KAT6B: variants seen among roughly 807,000 people sequenced by gnomAD.
The protein encoded by KAT6B is histone acetyltransferase KAT6B.
In KAT6B, 10 loss-of-function variants were observed where a neutral mutation model predicts 187.5. That is an observed-to-expected ratio of 0.05 (90% CI 0.03 to 0.09). The LOEUF (loss-of-function observed/expected upper bound fraction) is 0.09, where lower values mean the gene tolerates loss of function less well. Ranked by LOEUF, KAT6B falls within the 10% of genes least tolerant of loss-of-function variation. KAT6B has a pLI of 1.00. For missense variants in KAT6B, 1,952 were observed against 2,558.9 expected (o/e 0.76, Z 5.12); for synonymous variants, 861 against 926.8 (o/e 0.93, Z 1.29).
chr10:75,022,075 A>AGAGGAGGAG lies in KAT6B; in HGVS notation c.3222_3230dup (p.Glu1074_Glu1076dup). The AGAGGAGGAG allele has an allele frequency of 6.2e-7, 1 of 1,613,594 alleles. No homozygotes were observed. The highest frequency in any genetic ancestry group is 8.5e-7 in the Non-Finnish European group (1 of 1,179,716). On this transcript the variant is annotated inframe_insertion, in exon 16 of 18. Transcript: ENST00000287239. ...TGTCTAAAGAGAGCAGTGAAGAAGA[A>AGAGGAGGAG]GAGGAGGAGGAGGACGAGGAGGAGG...
At position 74,846,842 on chromosome 10, in the gene KAT6B, A is replaced by T. The variant is rs544140965; in HGVS notation, c.621+3364A>T. Among the ~76,000 whole-genome samples, 11 of 152,366 alleles carry T rather than the reference A, an allele frequency of 7.2e-5. No homozygotes were observed. In the South Asian group the frequency reaches 2.3e-3, roughly 32 times the overall value. ...GATATCTTTGTTTTTAAAAATATGTACACTACCCTAAGGTATGTTAAGGTT... is the reference window on the plus strand; with the variant it reads ...GATATCTTTGTTTTTAAAAATATGTTCACTACCCTAAGGTATGTTAAGGTT... On this transcript the variant is annotated intron_variant, in intron 3 of 17. Coordinates refer to ENST00000287239, the MANE Select transcript of KAT6B (RefSeq NM_012330.4).
At chr10:74,830,843 A>T (rs1425770540) in intron 1 of KAT6B, among the ~76,000 whole-genome samples, 3 of 118,892 alleles carry the variant, frequency 2.5e-5, no homozygotes, top group African/African-American at 9.8e-5. Flanking sequence ...GCTGGAGTGC[A>T]GTGGCGTGAT....
At chr10:75,018,575 C>T (rs1010785415) in intron 13 of KAT6B, among the ~76,000 whole-genome samples, 3 of 152,136 alleles carry the variant, frequency 2.0e-5, no homozygotes, top group African/African-American at 4.8e-5. Flanking sequence ...TGCTGCCTTC[C>T]GGATTAGGGA....
intron 4 of KAT6B, among the ~76,000 whole-genome samples, chr10:74,963,619 G>A (rs1383132517): frequency 6.6e-6 from 1 of 152,110 alleles, no homozygotes; most frequent in African/African-American, 2.4e-5. Flanking sequence ...TGTTAACCCT[G>A]AACAAAATTT....
intron 1 of KAT6B, among the ~76,000 whole-genome samples, chr10:74,827,900 A>G (rs535036582): frequency 6.6e-6 from 1 of 152,168 alleles, no homozygotes; most frequent in South Asian, 2.1e-4. Context: ...GCCTCAAGTG[A>G]TCTGCCCACC....
chr10:74,884,498 G>A (rs1845090436), intron 3 of KAT6B, among the ~76,000 whole-genome samples: 1 of 152,186 alleles, frequency 6.6e-6, no homozygotes, highest in African/African-American at 2.4e-5. Flanking sequence ...TAAAGGAGCA[G>A]TGTGTTTTTA....
chr10:74,934,997 C>G (rs903919583), intron 3 of KAT6B, among the ~76,000 whole-genome samples: 1 of 152,244 alleles, frequency 6.6e-6, no homozygotes, highest in African/African-American at 2.4e-5. Context: ...GTGAAGAAAG[C>G]AGGTTCTGAG....
intron 7 of KAT6B, among the ~76,000 whole-genome samples, chr10:74,973,180 A>G (rs370915669): frequency 6.6e-6 from 1 of 152,202 alleles, no homozygotes; most frequent in Non-Finnish European, 1.5e-5. Context: ...CTATTTGACA[A>G]CTGCACTAGT....
chr10:74,967,410 A>C lies in KAT6B; in HGVS notation c.731-2250A>C, dbSNP rs139803965. Among the ~76,000 whole-genome samples the C allele has an allele frequency of 3.6e-3, 549 of 152,302 alleles. 3 individuals are homozygous for C. The highest frequency in any genetic ancestry group is 0.012 in the African/African-American group (516 of 41,566). ...TAAACCAGAGGTAAGGAATTACTTG[A>C]TCAGTAGCATTGCTTTCCTTTATCT... On this transcript the variant is annotated intron_variant, in intron 4 of 17. Coordinates refer to ENST00000287239, the MANE Select transcript of KAT6B (RefSeq NM_012330.4).
At chr10:74,998,739 T>G (rs759747782) in intron 13 of KAT6B, among the ~76,000 whole-genome samples, 53 of 152,130 alleles carry the variant, frequency 3.5e-4, no homozygotes, top group Non-Finnish European at 6.9e-4. Flanking sequence ...GGCAACATAG[T>G]AAGACCCCAT....
chr10:74,825,870 G>T (rs1028555633), upstream of KAT6B, among the ~76,000 whole-genome samples: 4 of 150,764 alleles, frequency 2.7e-5, no homozygotes, highest in Non-Finnish European at 4.4e-5. The surrounding 1 kb of genome is among the most constrained non-coding windows in gnomAD (Gnocchi z 5.0). Context: ...GGGTGTGTTG[G>T]GGGGGGAAGG....
Position 75,030,905 on chromosome 10 carries a change from G to C in KAT6B, c.6081G>C (p.Met2027Ile). The change falls in exon 18 of 18, where the codon ATG becomes ATC. Residue 2027 changes from methionine (M) to isoleucine (I), a missense_variant. This residue lies in a region of KAT6B where 358 missense variants were observed against 436.3 expected (regional missense o/e 0.82). Coordinates refer to ENST00000287239, the MANE Select transcript of KAT6B (RefSeq NM_012330.4). The surrounding 1 kb of genome is among the most constrained non-coding windows in gnomAD (Gnocchi z 4.8). ...PQYPMQMQMG[M>I]MGTQPYAQQP... Reference sequence around the variant, plus strand: ...ACCCTATGCAGATGCAGATGGGCATGATGGGCACCCAGCCATATGCCCAGC... The same window carrying C: ...ACCCTATGCAGATGCAGATGGGCATCATGGGCACCCAGCCATATGCCCAGC... 6.2e-7 allele frequency: 1 copy of C among 1,613,922 alleles called. No homozygotes were observed. The highest frequency in any genetic ancestry group is 8.5e-7 in the Non-Finnish European group (1 of 1,180,020).
intron 1 of KAT6B, among the ~76,000 whole-genome samples, chr10:74,831,923 C>T (rs1044622812): frequency 2.0e-5 from 3 of 152,260 alleles, no homozygotes; most frequent in African/African-American, 7.2e-5. Context: ...TACTTCCCAT[C>T]ACAGCACACC....
At chr10:74,846,983 A>G (rs531898253) in intron 3 of KAT6B, among the ~76,000 whole-genome samples, 1 of 152,298 alleles carries the variant, frequency 6.6e-6, no homozygotes, top group Non-Finnish European at 1.5e-5. Flanking sequence ...AGTCAGTACA[A>G]ATTTTCCACA....
intron 3 of KAT6B, among the ~76,000 whole-genome samples, chr10:74,855,488 T>A (rs533159550): frequency 6.6e-6 from 1 of 152,344 alleles, no homozygotes; most frequent in East Asian, 1.9e-4. Context: ...CATTTGATAT[T>A]TGACCAACTT....
chr10:74,942,167 C>T lies in KAT6B; in HGVS notation c.622-17803C>T, dbSNP rs141284210. 8.6e-4 allele frequency among the ~76,000 whole-genome samples: 131 copies of T among 151,802 alleles called. No individual in the cohort carries two copies. In the East Asian group the frequency reaches 0.017, roughly 20 times the overall value. ...TTTGTCTCAAGAAATAAAATAAAAA[C>T]GAAACAAAGACTTTGCAAGAAAAGG... On this transcript the variant is annotated intron_variant, in intron 3 of 17. Transcript: ENST00000287239.
At chr10:74,987,876 A>G (rs1037425508) in intron 12 of KAT6B, among the ~76,000 whole-genome samples, 1 of 152,232 alleles carries the variant, frequency 6.6e-6, no homozygotes, top group South Asian at 2.1e-4. Context: ...ACTTTGCAAA[A>G]CAGACGAATT....
intron 3 of KAT6B, among the ~76,000 whole-genome samples, chr10:74,890,340 T>C (rs1845560546): frequency 6.6e-6 from 1 of 152,134 alleles, no homozygotes; most frequent in South Asian, 2.1e-4. Context: ...GCCCACCATT[T>C]ACAAATGCAC....
intron 3 of KAT6B, among the ~76,000 whole-genome samples, chr10:74,870,767 G>A (rs532962968): frequency 6.6e-6 from 1 of 152,096 alleles, no homozygotes; most frequent in Non-Finnish European, 1.5e-5. Flanking sequence ...TAGTAGAGAC[G>A]GGGTTTTCCA....
Sources: gnomAD v4.1 joint callset for allele counts (sites outside exome capture counted in the v4.1 genomes callset) on GRCh38, gnomAD v4.1.1 for gene constraint, gnomAD v4.1.1 regional missense constraint, Gnocchi (gnomAD v3.1) non-coding constraint, MANE v1.5 for transcripts, NCBI Gene and HGNC (gene_info 2026-07-23, HGNC 2026-07-21) for gene names.